TBL1X: variants seen among roughly 807,000 people sequenced by gnomAD.
The protein encoded by TBL1X is transducin beta like 1 X-linked, also known as F-box-like/WD repeat-containing protein TBL1X.
In TBL1X, 10 loss-of-function variants were observed where a neutral mutation model predicts 50.7. That is an observed-to-expected ratio of 0.20 (90% CI 0.12 to 0.33). The LOEUF is 0.33. TBL1X is among the 10% of genes least tolerant of loss of function. TBL1X has a pLI of 1.00. For synonymous variants in TBL1X, 190 were observed against 214.7 expected (o/e 0.88, Z 1.01); for missense variants, 340 against 504.4 (o/e 0.67, Z 3.12).
intron 14 of TBL1X, 48 bp downstream of exon 14, chrX:9,709,370 C>T (rs750868850): frequency 1.2e-5 from 14 of 1,167,919 alleles, no homozygotes; most frequent in Middle Eastern, 2.4e-4. Flanking sequence ...TAGACAACCC[C>T]GGGCACTTGA....
At chrX:9,547,846 G>A (rs148340403) in intron 2 of TBL1X, among the ~76,000 whole-genome samples, 1,043 of 101,921 alleles carry the variant, frequency 0.01, 20 homozygotes, top group African/African-American at 0.036. Flanking sequence ...TTCTGTGTAT[G>A]CTTTCACACT....
chrX:9,552,611 G>A (rs2082276266), intron 2 of TBL1X, among the ~76,000 whole-genome samples: 1 of 112,000 alleles, frequency 8.9e-6, no homozygotes, highest in African/African-American at 3.3e-5. Context: ...AAGAAAGGGT[G>A]TTACTACTGG....
intron 5 of TBL1X, among the ~76,000 whole-genome samples, chrX:9,683,279 C>T (rs752443613): frequency 8.9e-6 from 1 of 111,831 alleles, no homozygotes; most frequent in African/African-American, 3.2e-5. Context: ...TCTGTGTATT[C>T]GGTCCTGACC....
At chrX:9,585,338 C>T (rs111964598) in intron 2 of TBL1X, among the ~76,000 whole-genome samples, 1,163 of 74,307 alleles carry the variant, frequency 0.016, 15 homozygotes, top group African/African-American at 0.059. Flanking sequence ...ACCCCCCTCC[C>T]CTCCCCCCCC....
chrX:9,572,604 A>G (rs1195317123), intron 2 of TBL1X, among the ~76,000 whole-genome samples: 2 of 113,023 alleles, frequency 1.8e-5, no homozygotes, highest in African/African-American at 3.2e-5. Context: ...CTAGCATGTT[A>G]TCACAGTACC....
At chrX:9,688,355 T>A in intron 7 of TBL1X, 80 bp downstream of exon 7, 1 of 866,535 alleles carries the variant, frequency 1.2e-6, no homozygotes, top group Non-Finnish European at 1.6e-6. Flanking sequence ...AATGCCTTCT[T>A]AAAAACCTGC....
intron 2 of TBL1X, among the ~76,000 whole-genome samples, chrX:9,553,808 T>C (rs749067479): frequency 4.3e-4 from 48 of 112,242 alleles, no homozygotes; most frequent in African/African-American, 1.5e-3. Context: ...AATGGTTCAG[T>C]CCAAAATAAA....
At chrX:9,562,252 A>C (rs2082328156) in intron 2 of TBL1X, among the ~76,000 whole-genome samples, 1 of 112,372 alleles carries the variant, frequency 8.9e-6, no homozygotes, top group South Asian at 3.7e-4. Context: ...TATTACCTTA[A>C]TACTTTAATG....
chrX:9,570,349 C>G (rs956440435), intron 2 of TBL1X, among the ~76,000 whole-genome samples: 2 of 112,070 alleles, frequency 1.8e-5, no homozygotes, highest in Non-Finnish European at 3.8e-5. Flanking sequence ...TTCCCGTGCT[C>G]TCAAGCCCAA....
intron 1 of TBL1X, among the ~76,000 whole-genome samples, chrX:9,488,869 A>G (rs1306822106): frequency 9.0e-6 from 1 of 111,349 alleles, no homozygotes; most frequent in Non-Finnish European, 1.9e-5. Flanking sequence ...TGAGTGATTA[A>G]TAGAGACAGT....
intron 2 of TBL1X, among the ~76,000 whole-genome samples, chrX:9,601,044 C>G (rs2082554012): frequency 8.9e-6 from 1 of 111,875 alleles, no homozygotes; most frequent in African/African-American, 3.3e-5. Flanking sequence ...TGAAATAAAT[C>G]AGTGTTCTAG....
chrX:9,696,733 G>A (rs999911100), intron 11 of TBL1X, among the ~76,000 whole-genome samples: 3 of 112,497 alleles, frequency 2.7e-5, no homozygotes, highest in Non-Finnish European at 5.6e-5. Context: ...AAGATCTCTG[G>A]AGATGCTTTG....
intron 2 of TBL1X, among the ~76,000 whole-genome samples, chrX:9,602,867 A>G (rs2082563816): frequency 8.9e-6 from 1 of 112,821 alleles, no homozygotes; most frequent in Non-Finnish European, 1.9e-5. Flanking sequence ...TAGCAATAGA[A>G]TCTAGAATTT....
chrX:9,673,522 A>G (rs986522027), intron 5 of TBL1X, among the ~76,000 whole-genome samples: 1 of 112,209 alleles, frequency 8.9e-6, no homozygotes, highest in Admixed American at 9.4e-5. Context: ...AAGTCACTTC[A>G]AGGAGGTCAT....
chrX:9,684,902 C>T (rs1044662391), intron 6 of TBL1X, among the ~76,000 whole-genome samples: 2 of 112,280 alleles, frequency 1.8e-5, no homozygotes, highest in Non-Finnish European at 3.8e-5. Flanking sequence ...GAGAGGGGCC[C>T]CACACATGGT....
intron 2 of TBL1X, among the ~76,000 whole-genome samples, chrX:9,552,966 G>A (rs950719234): frequency 9.0e-6 from 1 of 111,104 alleles, no homozygotes; most frequent in African/African-American, 3.3e-5. Context: ...AACAGAGAGA[G>A]ACCCTGTCTC....
intron 2 of TBL1X, among the ~76,000 whole-genome samples, chrX:9,596,833 C>T (rs781322837): frequency 9.0e-6 from 1 of 111,049 alleles, no homozygotes; most frequent in African/African-American, 3.3e-5. Context: ...GCCCTGGGTT[C>T]TGTGGTGGTC....
intron 2 of TBL1X, among the ~76,000 whole-genome samples, chrX:9,613,223 G>A (rs1008197276): frequency 2.7e-5 from 3 of 110,952 alleles, no homozygotes; most frequent in Non-Finnish European, 5.7e-5. Context: ...AAGAGGAATC[G>A]TGTGGCCTAA....
At chrX:9,514,814 G>T (rs970421483) in intron 2 of TBL1X, among the ~76,000 whole-genome samples, 3 of 112,024 alleles carry the variant, frequency 2.7e-5, no homozygotes, top group Non-Finnish European at 5.6e-5. Context: ...TGTTAAAGAT[G>T]AGAGTCAGTA....
Sources: allele counts gnomAD v4.1 joint callset (sites outside exome capture counted in the v4.1 genomes callset), GRCh38; gene constraint gnomAD v4.1.1; transcripts MANE v1.5; gene names NCBI Gene and HGNC (gene_info 2026-07-23, HGNC 2026-07-21).